The following DNAH9 variants were observed in gnomAD, a reference collection of about 807,000 sequenced individuals.
DNAH9 encodes dynein axonemal heavy chain 9, also known as DNAH9 variant protein.
In DNAH9, 345 loss-of-function variants were observed where a neutral mutation model predicts 471.6. The observed-to-expected ratio is 0.73, with a 90% CI of 0.67 to 0.80. The LOEUF (loss-of-function observed/expected upper bound fraction) is 0.80, where lower values mean the gene tolerates loss of function less well. Among genes scored for constraint, DNAH9 ranks in the 30% least tolerant of loss-of-function variants. The probability of loss-of-function intolerance (pLI) is 0.00; values close to 1 mark genes in which losing one functional copy is unlikely to be tolerated. For missense variants in DNAH9, 5,407 were observed against 5,609.2 expected (o/e 0.96, Z 1.15); for synonymous variants, 2,093 against 2,123.6 (o/e 0.99, Z 0.40).
At chr17:11,845,921 G>A (rs1405918825) in intron 49 of DNAH9, among the ~76,000 whole-genome samples, 1 of 149,008 alleles carries the variant, frequency 6.7e-6, no homozygotes, top group Non-Finnish European at 1.5e-5. Flanking sequence ...CAGATGAGTA[G>A]GTTGTGAAAA....
At chr17:11,651,367 C>T (rs568249835) in intron 13 of DNAH9, 43 bp downstream of exon 13, 20 of 1,574,102 alleles carry the variant, frequency 1.3e-5, no homozygotes, top group African/African-American at 6.8e-5. Context: ...CATGGAGATT[C>T]GAGGATCTAA....
intron 61 of DNAH9, among the ~76,000 whole-genome samples, chr17:11,916,668 T>A (rs763888125): frequency 6.6e-6 from 1 of 152,240 alleles, no homozygotes; most frequent in Non-Finnish European, 1.5e-5. Context: ...ACTGTCTTCC[T>A]CCGTTTAGAC....
chr17:11,794,566 G>GGA (rs1969179415), intron 42 of DNAH9, among the ~76,000 whole-genome samples: 1 of 152,074 alleles, frequency 6.6e-6, no homozygotes, highest in Non-Finnish European at 1.5e-5. Flanking sequence ...TTTCTGACAT[G>GGA]GATTGGTTTC....
At chr17:11,804,730 C>T (rs1463284328) in intron 43 of DNAH9, among the ~76,000 whole-genome samples, 4 of 151,888 alleles carry the variant, frequency 2.6e-5, no homozygotes, top group African/African-American at 4.8e-5. Context: ...AAAAATTAGC[C>T]GAGCGTGGTG....
At chr17:11,726,640 A>G (rs933009026) in intron 27 of DNAH9, among the ~76,000 whole-genome samples, 1 of 152,236 alleles carries the variant, frequency 6.6e-6, no homozygotes, top group East Asian at 1.9e-4. Flanking sequence ...CTACTGATGC[A>G]GTAATTTTCC....
intron 26 of DNAH9, among the ~76,000 whole-genome samples, chr17:11,709,991 C>G (rs749665476): frequency 6.6e-6 from 1 of 152,082 alleles, no homozygotes; most frequent in Non-Finnish European, 1.5e-5. Flanking sequence ...TTAAGTTTTT[C>G]TCTCATGTTT....
intron 4 of DNAH9, among the ~76,000 whole-genome samples, chr17:11,614,775 T>TG (rs1401208842): frequency 5.6e-3 from 2 of 358 alleles, no homozygotes; most frequent in Non-Finnish European, 0.011. Context: ...TGATAGACGG[T>TG]GGAAGGCAAG....
chr17:11,651,098 T>C lies in DNAH9; in HGVS notation c.2127T>C (p.Tyr709=). 6.2e-7 allele frequency: 1 copy of C among 1,614,164 alleles called. No homozygotes were observed. The highest frequency in any genetic ancestry group is 8.5e-7 in the Non-Finnish European group (1 of 1,180,012). The change falls in exon 13 of 69, where the codon TAT becomes TAC. Residue 709 remains tyrosine (Y), a synonymous_variant. Coordinates refer to ENST00000262442, the MANE Select transcript of DNAH9 (RefSeq NM_001372.4). ...QLISVLKEMS[Y]LEPREMKHMP... The stretch of plus-strand genomic sequence containing the variant: ...TTTCAGTGCTGAAAGAAATGAGCTA[T>C]CTTGAACCCAGAGAGATGAAACACA...
At chr17:11,632,778 C>T in intron 8 of DNAH9, 75 bp downstream of exon 8, 2 of 705,274 alleles carry the variant, frequency 2.8e-6, no homozygotes, top group East Asian at 5.0e-5. Context: ...ATATGGATAC[C>T]TTTCCACCTG....
At chr17:11,658,254 A>T (rs980432114) in intron 14 of DNAH9, among the ~76,000 whole-genome samples, 14 of 152,116 alleles carry the variant, frequency 9.2e-5, no homozygotes, top group Non-Finnish European at 1.6e-4. Flanking sequence ...ATCTAGCACC[A>T]AGTTTTTTAT....
intron 17 of DNAH9, among the ~76,000 whole-genome samples, chr17:11,678,373 G>A (rs963614772): frequency 3.9e-5 from 6 of 152,152 alleles, no homozygotes; most frequent in African/African-American, 1.4e-4. Context: ...ATCTGACTGA[G>A]GTATATCCCA....
chr17:11,655,509 C>T (rs929981214), intron 14 of DNAH9, among the ~76,000 whole-genome samples: 2 of 151,896 alleles, frequency 1.3e-5, no homozygotes, highest in Non-Finnish European at 2.9e-5. Context: ...TTATTTAAGG[C>T]CTAATTACTA....
chr17:11,829,506 C>T (rs1055586380), intron 48 of DNAH9, among the ~76,000 whole-genome samples: 12 of 152,330 alleles, frequency 7.9e-5, no homozygotes, highest in African/African-American at 2.9e-4. Context: ...GAGTCTCACT[C>T]TGTCACCCAG....
chr17:11,890,378 A>G (rs1312975337), intron 57 of DNAH9, among the ~76,000 whole-genome samples: 1 of 152,204 alleles, frequency 6.6e-6, no homozygotes, highest in Non-Finnish European at 1.5e-5. Flanking sequence ...AGATCATTAA[A>G]ACTAAATAAG....
At chr17:11,690,783 A>T (rs746030114) in intron 20 of DNAH9, among the ~76,000 whole-genome samples, 1 of 152,172 alleles carries the variant, frequency 6.6e-6, no homozygotes. Flanking sequence ...GATCGTTAAA[A>T]TTCAAGTGTC....
chr17:11,926,446 C>T (rs920125699), intron 62 of DNAH9, among the ~76,000 whole-genome samples: 11 of 152,178 alleles, frequency 7.2e-5, no homozygotes, highest in South Asian at 4.2e-4. Context: ...GTTTGTTCCC[C>T]GCCCCGTGTG....
At chr17:11,783,146 GT>G (rs1436941193) in intron 39 of DNAH9, among the ~76,000 whole-genome samples, 2 of 151,992 alleles carry the variant, frequency 1.3e-5, no homozygotes. Flanking sequence ...GGTTTGTTTT[GT>G]TTTAGGCTTT....
At chr17:11,666,295 G>A (rs1341627584) in intron 15 of DNAH9, among the ~76,000 whole-genome samples, 2 of 152,144 alleles carry the variant, frequency 1.3e-5, no homozygotes, top group Non-Finnish European at 2.9e-5. Context: ...TTGGGTGCAG[G>A]CAGTGCACTA....
intron 61 of DNAH9, among the ~76,000 whole-genome samples, chr17:11,915,644 G>C (rs1296146960): frequency 6.6e-6 from 1 of 152,188 alleles, no homozygotes; most frequent in African/African-American, 2.4e-5. Flanking sequence ...TTTCTGTCCA[G>C]CTTTTAGATC....
Sources: gnomAD v4.1 joint callset for allele counts (sites outside exome capture counted in the v4.1 genomes callset) on GRCh38, gnomAD v4.1.1 for gene constraint, MANE v1.5 for transcripts, NCBI Gene and HGNC (gene_info 2026-07-23, HGNC 2026-07-21) for gene names.